Variants in AFF3 observed in about 807,000 individuals in gnomAD.
The protein encoded by AFF3 is ALF transcription elongation factor 3.
AFF3 carries 32 observed loss-of-function variants against 129.7 expected under a neutral mutation model. The observed-to-expected ratio is 0.25, with a 90% CI of 0.19 to 0.33. The LOEUF (loss-of-function observed/expected upper bound fraction) is 0.33, where lower values mean the gene tolerates loss of function less well. AFF3 is among the 10% of genes least tolerant of loss of function. The pLI is 1.00. For synonymous variants in AFF3, 644 were observed against 635.4 expected (o/e 1.01, Z -0.20); for missense variants, 1,373 against 1,592.0 (o/e 0.86, Z 2.34).
At chr2:99,989,350 A>T (rs1466101333) in intron 7 of AFF3, among the ~76,000 whole-genome samples, 1 of 152,228 alleles carries the variant, frequency 6.6e-6, no homozygotes, top group Non-Finnish European at 1.5e-5. Flanking sequence ...AGAATCCAGA[A>T]TCCAGGATAC....
At chr2:99,568,552 C>G (rs1175937086) in intron 19 of AFF3, among the ~76,000 whole-genome samples, 1 of 152,034 alleles carries the variant, frequency 6.6e-6, no homozygotes, top group African/African-American at 2.4e-5. Flanking sequence ...CTAGATTTTA[C>G]TTTTTAAAGG....
intron 8 of AFF3, among the ~76,000 whole-genome samples, chr2:99,786,726 A>G (rs1488986084): frequency 4.6e-5 from 7 of 152,132 alleles, no homozygotes; most frequent in African/African-American, 1.7e-4. Context: ...CTTTTATGCC[A>G]GCATGCTGTA....
intron 14 of AFF3, among the ~76,000 whole-genome samples, chr2:99,594,562 T>G (rs1002410027): frequency 6.6e-6 from 1 of 152,218 alleles, no homozygotes; most frequent in Non-Finnish European, 1.5e-5. Flanking sequence ...TGTGTCTCAT[T>G]AGAACCCATT....
intron 7 of AFF3, among the ~76,000 whole-genome samples, chr2:99,943,566 T>G (rs374873754): frequency 1.3e-5 from 2 of 152,340 alleles, no homozygotes; most frequent in African/African-American, 4.8e-5. Flanking sequence ...AAACCCTACC[T>G]CTTTTCCTCT....
intron 11 of AFF3, among the ~76,000 whole-genome samples, chr2:99,700,222 G>A (rs1459737463): frequency 6.6e-6 from 1 of 152,008 alleles, no homozygotes; most frequent in African/African-American, 2.4e-5. Context: ...CCGGGTTCAT[G>A]CGATTCTCCT....
At chr2:99,688,610 G>A (rs747202051) in intron 11 of AFF3, among the ~76,000 whole-genome samples, 2 of 152,042 alleles carry the variant, frequency 1.3e-5, no homozygotes, top group African/African-American at 2.4e-5. Flanking sequence ...TTCTCGAGGC[G>A]CTCTTTCTTT....
rs11679078 is a variant in AFF3 at position 100,141,419 on chromosome 2, C to A, written c.-228+1065G>T. 9.9e-5 allele frequency among the ~76,000 whole-genome samples: 15 copies of A among 152,170 alleles called. No homozygotes were observed. In the East Asian group the frequency reaches 1.2e-3, roughly 12 times the overall value. On this transcript the variant is annotated intron_variant, in intron 1 of 24. Transcript: ENST00000672756. ...ACTTCAACAGTGAGATGGGATAGCC[C>A]TAGGTAAAGGAAGGTGCTCTTGTAG...
intron 1 of AFF3, among the ~76,000 whole-genome samples, chr2:100,135,952 A>G (rs886269165): frequency 1.3e-5 from 2 of 152,156 alleles, no homozygotes; most frequent in African/African-American, 2.4e-5. Flanking sequence ...GGATTTGCTG[A>G]TGGATTAGCT....
chr2:99,852,182 GA>G lies in AFF3; in HGVS notation c.874-14659del, dbSNP rs150820635. Among the ~76,000 whole-genome samples, 599 of 152,198 alleles carry G rather than the reference GA, an allele frequency of 3.9e-3. 5 individuals carry two copies. The highest frequency in any genetic ancestry group is 0.013 in the African/African-American group (553 of 41,520). On this transcript the variant is annotated intron_variant, in intron 7 of 24. Transcript: ENST00000672756. ...TTTCATGATCATGTGCCTTTAAAAG[GA>G]AAGTCCTAGAGTCAGCCCTGATCAA...
At chr2:100,006,521 G>A in intron 7 of AFF3, 111 bp downstream of exon 7, 1 of 1,348,100 alleles carries the variant, frequency 7.4e-7, no homozygotes, top group South Asian at 1.6e-5. Flanking sequence ...CCTACCACAT[G>A]AAGTTAACCA....
intron 20 of AFF3, among the ~76,000 whole-genome samples, chr2:99,560,786 AG>A (rs575039767): frequency 1.3e-5 from 2 of 152,210 alleles, no homozygotes; most frequent in Non-Finnish European, 2.9e-5. Context: ...TGACAGATGG[AG>A]GTGAAGTTCT....
intron 7 of AFF3, among the ~76,000 whole-genome samples, chr2:99,890,089 AGT>A (rs891295722): frequency 5.9e-5 from 9 of 152,294 alleles, no homozygotes; most frequent in Admixed American, 2.6e-4. Context: ...TTGTTCCCAC[AGT>A]GTTCTCCCCC....
intron 7 of AFF3, among the ~76,000 whole-genome samples, chr2:99,964,807 C>T (rs1677584026): frequency 6.6e-6 from 1 of 152,208 alleles, no homozygotes; most frequent in Non-Finnish European, 1.5e-5. Flanking sequence ...GGTCATGAAA[C>T]TCTTCTGTAT....
chr2:99,589,640 CT>C (rs1678471593), intron 15 of AFF3, among the ~76,000 whole-genome samples: 1 of 152,080 alleles, frequency 6.6e-6, no homozygotes. Flanking sequence ...ATCTCGTGAT[CT>C]GCCCACCTTG....
chr2:99,574,620 C>T lies in AFF3; in HGVS notation c.2918+3707G>A, dbSNP rs377210119. ...TCATTCAACACTTGTTATTGAGAGC[C>T]TACTGGCTTCAGCTGTTGTCTGAAT... On this transcript the variant is annotated intron_variant, in intron 18 of 24. Coordinates refer to ENST00000672756, the MANE Select transcript of AFF3 (RefSeq NM_001386135.1). Among the ~76,000 whole-genome samples the T allele has an allele frequency of 3.9e-5, 6 of 152,306 alleles. No homozygotes were observed. The East Asian group carries it at 1.2e-3, about 29-fold the overall frequency.
chr2:99,841,645 T>C (rs1210611953), intron 7 of AFF3, among the ~76,000 whole-genome samples: 1 of 152,182 alleles, frequency 6.6e-6, no homozygotes, highest in African/African-American at 2.4e-5. Flanking sequence ...TGGGCCACAG[T>C]ATCGTAGAAA....
chr2:100,023,625 T>C (rs1683779095), intron 4 of AFF3, among the ~76,000 whole-genome samples: 1 of 152,070 alleles, frequency 6.6e-6, no homozygotes, highest in Non-Finnish European at 1.5e-5. Flanking sequence ...TCCAAAGATA[T>C]TAACATTGTG....
intron 13 of AFF3, among the ~76,000 whole-genome samples, chr2:99,635,064 A>G (rs1354650128): frequency 6.6e-6 from 1 of 151,846 alleles, no homozygotes; most frequent in African/African-American, 2.4e-5. Context: ...TATACACAAC[A>G]TATCTATGAA....
intron 12 of AFF3, among the ~76,000 whole-genome samples, chr2:99,663,167 C>T (rs1220517048): frequency 6.6e-6 from 1 of 152,098 alleles, no homozygotes; most frequent in Non-Finnish European, 1.5e-5. Flanking sequence ...ATGCAATTGT[C>T]ATATTAAAAA....
Sources: gnomAD v4.1 joint callset for allele counts (sites outside exome capture counted in the v4.1 genomes callset) on GRCh38, gnomAD v4.1.1 for gene constraint, MANE v1.5 for transcripts, NCBI Gene and HGNC (gene_info 2026-07-23, HGNC 2026-07-21) for gene names.